Variants in CLECL1 observed in about 807,000 individuals in gnomAD.
The protein encoded by CLECL1 is C-type lectin-like domain family 1.
chr12:9,707,220 A>G, the CLECL1 span, among the ~76,000 whole-genome samples: 1 of 152,234 alleles, frequency 6.6e-6, no homozygotes. Context: ...TTCTAGTAAA[A>G]TGACTAAATA....
downstream of CLECL1, among the ~76,000 whole-genome samples, chr12:9,712,792 CGATT>C (rs1454711091): frequency 1.3e-5 from 2 of 151,728 alleles, no homozygotes; most frequent in Admixed American, 1.3e-4. Flanking sequence ...TTTTTTTAAT[CGATT>C]GATAGAATTA....
downstream of CLECL1, among the ~76,000 whole-genome samples, chr12:9,718,369 T>G (rs1045920780): frequency 2.6e-5 from 4 of 151,730 alleles, no homozygotes; most frequent in Admixed American, 2.6e-4. Flanking sequence ...TATTTTTTTT[T>G]TGTCTATTAG....
rs1182928583 is a variant in CLECL1 at position 9,732,943 on chromosome 12, G to A, written n.82+6C>T. On this transcript the variant is annotated splice_donor_region_variant and intron_variant and non_coding_transcript_variant, in intron 1 of 3. Transcript: ENST00000621400. ...AATTCTCAAAGGCACCCTAAATCCA[G>A]CTTACCAGATCTCTGAAGTGGAAAC... 6.3e-7 allele frequency: 1 copy of A among 1,589,522 alleles called. No individual in the cohort carries two copies. The highest frequency in any genetic ancestry group is 1.7e-5 in the Admixed American group (1 of 57,224).
intron 1 of CLECL1, among the ~76,000 whole-genome samples, chr12:9,731,247 C>T (rs186580158): frequency 1.2e-4 from 19 of 152,190 alleles, no homozygotes; most frequent in African/African-American, 4.1e-4. Flanking sequence ...TATATACATT[C>T]ATCGTCTAAT....
chr12:9,727,715 T>A (rs1466408172), intron 2 of CLECL1, among the ~76,000 whole-genome samples: 1 of 151,788 alleles, frequency 6.6e-6, no homozygotes, highest in Non-Finnish European at 1.5e-5. Flanking sequence ...TCTAATTAGA[T>A]ACAAAGCCCA....
At chr12:9,712,481 A>G (rs1054110315), downstream of CLECL1, among the ~76,000 whole-genome samples, 1 of 152,252 alleles carries the variant, frequency 6.6e-6, no homozygotes, top group Admixed American at 6.5e-5. Flanking sequence ...AGCATGAACA[A>G]TGCAATCTAC....
downstream of CLECL1, among the ~76,000 whole-genome samples, chr12:9,720,217 C>A (rs888056612): frequency 2.0e-5 from 3 of 152,134 alleles, no homozygotes; most frequent in Non-Finnish European, 2.9e-5. Context: ...GATGTTCCCC[C>A]AGTTCCCTAA....
At chr12:9,707,418 A>T in the CLECL1 span, among the ~76,000 whole-genome samples, 1 of 152,224 alleles carries the variant, frequency 6.6e-6, no homozygotes, top group Non-Finnish European at 1.5e-5. Flanking sequence ...GTTTACACAT[A>T]CATTTGATAT....
the CLECL1 span, among the ~76,000 whole-genome samples, chr12:9,704,601 C>T: frequency 6.6e-6 from 1 of 152,024 alleles, no homozygotes; most frequent in Admixed American, 6.6e-5. Context: ...TTGTTATTTC[C>T]CTCTAGGTAT....
chr12:9,733,180 T>C (rs768195683), upstream of CLECL1: 5 of 1,613,938 alleles, frequency 3.1e-6, no homozygotes, highest in Non-Finnish European at 4.2e-6. Flanking sequence ...CATGAATAAA[T>C]GACAAAACCA....
At chr12:9,729,267 C>G (rs1033771195) in intron 2 of CLECL1, among the ~76,000 whole-genome samples, 1 of 152,078 alleles carries the variant, frequency 6.6e-6, no homozygotes, top group African/African-American at 2.4e-5. Context: ...TAATTTGCTT[C>G]CTTCTGAACA....
chr12:9,708,513 C>T, the CLECL1 span, among the ~76,000 whole-genome samples: 1 of 152,104 alleles, frequency 6.6e-6, no homozygotes, highest in African/African-American at 2.4e-5. Context: ...TCTGAGGGAT[C>T]CAAAGCCAGG....
At chr12:9,728,828 T>G (rs1866411885) in intron 2 of CLECL1, among the ~76,000 whole-genome samples, 1 of 151,980 alleles carries the variant, frequency 6.6e-6, no homozygotes. Context: ...ACTTTGCTGA[T>G]TTCTGGAGTC....
At chr12:9,720,305 G>C (rs1866293489), downstream of CLECL1, among the ~76,000 whole-genome samples, 2 of 151,624 alleles carry the variant, frequency 1.3e-5, no homozygotes, top group African/African-American at 4.8e-5. Context: ...GCAGATAGGG[G>C]AGAAGGTACT....
At chr12:9,726,716 A>G (rs948792875) in intron 3 of CLECL1, among the ~76,000 whole-genome samples, 1 of 152,018 alleles carries the variant, frequency 6.6e-6, no homozygotes, top group Non-Finnish European at 1.5e-5. Context: ...CTATAACAAT[A>G]GAATAAGGGT....
chr12:9,720,610 G>A (rs796984424), downstream of CLECL1, among the ~76,000 whole-genome samples: 40 of 152,096 alleles, frequency 2.6e-4, no homozygotes, highest in African/African-American at 9.4e-4. Context: ...CCAAGTGCTG[G>A]GATTACAGGT....
rs201355678 is a variant in CLECL1 at position 9,723,456 on chromosome 12, A to G, written n.263-643T>C. Among the ~76,000 whole-genome samples, 14 of 27,866 alleles carry G rather than the reference A, an allele frequency of 5.0e-4. No homozygotes were observed. The East Asian group carries it at 8.5e-3, about 17-fold the overall frequency. 18.3% of individuals were successfully genotyped at this position (27,866 alleles called of 152,430 possible). ...GAGACAGACAGACACACACACACAC[A>G]CACGCACGCACACACATGACCTGAA... On this transcript the variant is annotated intron_variant and non_coding_transcript_variant, in intron 3 of 3. Coordinates refer to ENST00000621400, the Ensembl canonical transcript of CLECL1.
chr12:9,726,223 A>C (rs1316407966), intron 3 of CLECL1, among the ~76,000 whole-genome samples: 1 of 144,452 alleles, frequency 6.9e-6, no homozygotes, highest in Non-Finnish European at 1.5e-5. Context: ...ATTATAAAAA[A>C]TAATGTTTAA....
intron 3 of CLECL1, among the ~76,000 whole-genome samples, chr12:9,727,511 G>C (rs1866394050): frequency 2.6e-5 from 4 of 151,632 alleles, no homozygotes; most frequent in Admixed American, 2.0e-4. Flanking sequence ...AGAAAATCAA[G>C]GCTACTATTC....
Sources: allele counts gnomAD v4.1 joint callset (sites outside exome capture counted in the v4.1 genomes callset), GRCh38; gene constraint gnomAD v4.1.1; transcripts MANE v1.5; gene names NCBI Gene and HGNC (gene_info 2026-07-23, HGNC 2026-07-21).